The following DPPA3 variants were observed in gnomAD, a reference collection of about 807,000 sequenced individuals.
DPPA3 encodes the protein developmental pluripotency-associated protein 3.
A neutral mutation model predicts 15.6 loss-of-function variants in DPPA3; 9 were observed. That is an observed-to-expected ratio of 0.58 (90% confidence interval 0.35 to 1.01). The LOEUF (loss-of-function observed/expected upper bound fraction) is 1.01, where lower values mean the gene tolerates loss of function less well. Among genes scored for constraint, DPPA3 ranks in the 50% least tolerant of loss-of-function variants. The pLI is 0.02. For missense variants in DPPA3, 148 were observed against 194.6 expected (o/e 0.76, Z 1.42); for synonymous variants, 61 against 70.9 (o/e 0.86, Z 0.70).
intron 3 of DPPA3, among the ~76,000 whole-genome samples, chr12:7,716,682 G>A (rs75450787): frequency 0.044 from 6,714 of 152,292 alleles, 227 homozygotes; most frequent in Non-Finnish European, 0.064. Flanking sequence ...GTGTCTAGTA[G>A]CAGAATGAGT....
Position 7,716,192 on chromosome 12 carries a change from A to C in DPPA3, c.328-6A>C, listed in dbSNP as rs748136200. On this transcript the variant is annotated splice_region_variant and splice_polypyrimidine_tract_variant and intron_variant, in intron 2 of 3. Transcript: ENST00000345088. ...TTTTCAATAAACATATTTTTTTCCC[A>C]TGAAGCATGAAAGAAGACCAACAAA... 2 of 1,600,134 alleles carry C rather than the reference A, an allele frequency of 1.2e-6. No homozygotes were observed. The highest frequency in any genetic ancestry group is 2.7e-5 in the African/African-American group (2 of 73,856).
chr12:7,714,861 C>T (rs1010122082), intron 1 of DPPA3, among the ~76,000 whole-genome samples: 4 of 151,954 alleles, frequency 2.6e-5, no homozygotes, highest in South Asian at 2.1e-4. Context: ...TACAGGCGCC[C>T]GCCACAACGC....
At chr12:7,711,722 T>TC in intron 1 of DPPA3, 70 bp downstream of exon 1, 4 of 24,362 alleles carry the variant, frequency 1.6e-4, no homozygotes, top group Admixed American at 2.6e-3. Flanking sequence ...GCTGCCGTCT[T>TC]TTTTTTTTTT....
chr12:7,713,722 A>G (rs1318000687), intron 1 of DPPA3, among the ~76,000 whole-genome samples: 1 of 152,208 alleles, frequency 6.6e-6, no homozygotes, highest in African/African-American at 2.4e-5. Flanking sequence ...TCGACTGCCC[A>G]GTTTTGCTTA....
intron 1 of DPPA3, among the ~76,000 whole-genome samples, chr12:7,713,220 C>G (rs1043209320): frequency 2.0e-5 from 3 of 152,322 alleles, no homozygotes; most frequent in South Asian, 2.1e-4. Flanking sequence ...TTCGACTGCC[C>G]GATGCTGGGA....
At chr12:7,713,086 C>T (rs963426219) in intron 1 of DPPA3, among the ~76,000 whole-genome samples, 2 of 152,352 alleles carry the variant, frequency 1.3e-5, no homozygotes, top group South Asian at 4.1e-4. Flanking sequence ...TCCTTTCTTA[C>T]AGCAGCACCC....
chr12:7,716,878 A>T (rs1864406847), intron 3 of DPPA3, 89 bp from the exon 4 acceptor site: 1 of 1,248,290 alleles, frequency 8.0e-7, no homozygotes, highest in Non-Finnish European at 1.2e-6. Flanking sequence ...TCCAACACTT[A>T]CCAAAATAAA....
Position 7,715,344 on chromosome 12 carries a change from A to G in DPPA3, c.244A>G (p.Arg82Gly), listed in dbSNP as rs763952337. Residue 82 changes from arginine to glycine, a missense_variant, in exon 2 of 4, where the codon AGG (arginine) becomes GGG (glycine). By Grantham distance (125) the Arg-to-Gly change is moderately radical. Transcript: ENST00000345088. ...REIEDEWLYS[R>G]RGVRTLLSVQ... is the part of the protein sequence containing the mutation. ...AATCGAAGATGAGTGGCTTTACAGC[A>G]GGAGAGGAGTAAGAACATTGCTGTC... 2 of 1,614,042 alleles carry G rather than the reference A, an allele frequency of 1.2e-6. No homozygotes were observed. Among genetic ancestry groups the G allele is most frequent in the East Asian group, 2.2e-5 (1 of 44,896 alleles).
intron 3 of DPPA3, among the ~76,000 whole-genome samples, 184 bp from the exon 4 acceptor site, chr12:7,716,783 T>A (rs1204371057): frequency 6.6e-6 from 1 of 152,214 alleles, no homozygotes; most frequent in Non-Finnish European, 1.5e-5. Context: ...AAGCTGCCAT[T>A]CTGTGGTACC....
intron 1 of DPPA3, among the ~76,000 whole-genome samples, chr12:7,713,621 C>T (rs1465392306): frequency 6.6e-6 from 1 of 152,022 alleles, no homozygotes; most frequent in African/African-American, 2.4e-5. Context: ...GGTTGATTTC[C>T]CAAAATAGAG....
intron 1 of DPPA3, 48 bp from the exon 2 acceptor site, chr12:7,715,135 A>C: frequency 1.9e-6 from 3 of 1,611,322 alleles, no homozygotes; most frequent in Non-Finnish European, 1.7e-6. Context: ...TTGATGTGTG[A>C]ATGTTGAAGA....
In DPPA3 at chr12:7,715,415, C is replaced by T. The variant is rs746199036; in HGVS notation, c.315C>T (p.Gly105=). 16 of 1,613,830 alleles carry T rather than the reference C, an allele frequency of 9.9e-6. No homozygotes were observed. In the East Asian group the frequency reaches 1.1e-4, roughly 11 times the overall value. The stretch of plus-strand genomic sequence containing the variant: ...CAAGATTGAGATACATGTTACTCGG[C>T]GGAGTTCGTACGGTATGTTGATGTG... ...KMARLRYMLL[G]GVRTHERRPT... Residue 105 remains glycine, a synonymous_variant, in exon 2 of 4, where the codon GGC becomes GGT. Coordinates refer to ENST00000345088, the MANE Select transcript of DPPA3 (RefSeq NM_199286.4).
At chr12:7,711,792 ACCTC>A (rs1264934541) in intron 1 of DPPA3, 140 bp downstream of exon 1, 1 of 711,202 alleles carries the variant, frequency 1.4e-6, no homozygotes, top group African/African-American at 2.0e-5. Flanking sequence ...ATTTAGGTAA[ACCTC>A]AAACCAGAGG....
Position 7,715,452 on chromosome 12 carries a change from G to C in DPPA3, c.327+25G>C, listed in dbSNP as rs773020991. 33 of 1,613,434 alleles carry C rather than the reference G, an allele frequency of 2.0e-5. No individual in the cohort carries two copies. In the Admixed American group the frequency reaches 5.0e-4, roughly 24 times the overall value. ...GGTATGTTGATGTGATGTGGCCGGGGCTGTCCAATTCCGGAGAGTGACACT... is the reference window on the plus strand; with the variant it reads ...GGTATGTTGATGTGATGTGGCCGGGCCTGTCCAATTCCGGAGAGTGACACT... On this transcript the variant is annotated intron_variant, in intron 2 of 3. Coordinates refer to ENST00000345088, the MANE Select transcript of DPPA3 (RefSeq NM_199286.4).
intron 1 of DPPA3, 66 bp downstream of exon 1, chr12:7,711,718 G>GTTT: frequency 1.8e-6 from 1 of 559,776 alleles, no homozygotes; most frequent in African/African-American, 3.0e-5. Context: ...AAAGGCTGCC[G>GTTT]TCTTTTTTTT....
At chr12:7,713,292 C>T (rs1475522691) in intron 1 of DPPA3, among the ~76,000 whole-genome samples, 1 of 152,228 alleles carries the variant, frequency 6.6e-6, no homozygotes, top group East Asian at 1.9e-4. Flanking sequence ...GCTGTGTCCC[C>T]TGCGTCCAGA....
Position 7,716,997 on chromosome 12 carries a change from A to G in DPPA3, c.400A>G (p.Ser134Gly), listed in dbSNP as rs148824844. ...KESRPFKCPC[S>G]FCVSNGWDPS... ...ATCAAGACCATTCAAATGTCCCTGCAGTTTCTGCGTGTCTAATGGATGGGA... is the reference window on the plus strand; with the variant it reads ...ATCAAGACCATTCAAATGTCCCTGCGGTTTCTGCGTGTCTAATGGATGGGA... Residue 134 changes from serine (S) to glycine (G), a missense_variant, in exon 4 of 4, where the codon AGT becomes GGT. By Grantham distance (56) the Ser-to-Gly change is moderately conservative. Transcript: ENST00000345088. 5.7e-4 allele frequency: 914 copies of G among 1,613,850 alleles called. 6 individuals are homozygous for G. The African/African-American group carries it at 0.011, about 20-fold the overall frequency.
At chr12:7,713,719 C>A (rs769964601) in intron 1 of DPPA3, among the ~76,000 whole-genome samples, 1 of 152,264 alleles carries the variant, frequency 6.6e-6, no homozygotes, top group East Asian at 1.9e-4. Flanking sequence ...ACTTCGACTG[C>A]CCAGTTTTGC....
At chr12:7,714,123 G>C (rs944554850) in intron 1 of DPPA3, among the ~76,000 whole-genome samples, 2 of 151,740 alleles carry the variant, frequency 1.3e-5, no homozygotes, top group South Asian at 2.1e-4. Flanking sequence ...CCAGCTGCTC[G>C]GGAGGCTGAG....
Sources: allele counts gnomAD v4.1 joint callset (sites outside exome capture counted in the v4.1 genomes callset), GRCh38; gene constraint gnomAD v4.1.1; transcripts MANE v1.5; gene names NCBI Gene and HGNC (gene_info 2026-07-23, HGNC 2026-07-21).